Variants in CLASP1 observed in about 807,000 individuals in gnomAD.
The protein encoded by CLASP1 is cytoplasmic linker associated protein 1.
CLASP1 carries 38 observed loss-of-function variants against 192.3 expected under a neutral mutation model. That is an observed-to-expected ratio of 0.20 (90% CI 0.15 to 0.26). CLASP1 has a LOEUF of 0.26. Ranked by LOEUF, CLASP1 falls within the 10% of genes least tolerant of loss-of-function variation. The pLI is 1.00. For missense variants in CLASP1, 1,433 were observed against 1,932.5 expected (o/e 0.74, Z 4.85); for synonymous variants, 691 against 712.8 (o/e 0.97, Z 0.49).
rs1575632141 is a variant in CLASP1, at chr2:121,522,080, AC to A, written c.546+3764del. 2.0e-5 allele frequency among the ~76,000 whole-genome samples: 3 copies of A among 152,340 alleles called. No homozygotes were observed. In the East Asian group the frequency reaches 5.8e-4, roughly 29 times the overall value. Reference sequence around the variant, plus strand: ...TAGTATCGGGGAGGTAGGTGGCAGAACTTCCTGGCAGAAGGGAGACATGGAT... The same window carrying A: ...TAGTATCGGGGAGGTAGGTGGCAGAATTCCTGGCAGAAGGGAGACATGGAT... On this transcript the variant is annotated intron_variant, in intron 6 of 39. Coordinates refer to ENST00000263710, the Ensembl canonical transcript of CLASP1.
chr2:121,359,781 A>C (rs2066021577), intron 37 of CLASP1, among the ~76,000 whole-genome samples: 1 of 152,254 alleles, frequency 6.6e-6, no homozygotes, highest in Non-Finnish European at 1.5e-5. Context: ...CCAAATTTTA[A>C]AATAAAAACT....
chr2:121,365,062 A>G lies in CLASP1; in HGVS notation c.4077+32T>C, dbSNP rs760443496. 1.9e-6 allele frequency: 3 copies of G among 1,602,332 alleles called. No individual in the cohort carries two copies. In the South Asian group the frequency reaches 3.3e-5, roughly 18 times the overall value. Reference sequence around the variant, plus strand: ...GACATCGTGACCCCATTACATGGAAAGGGGCAAGATAAGGCCAAACCAGCA... The same window carrying G: ...GACATCGTGACCCCATTACATGGAAGGGGGCAAGATAAGGCCAAACCAGCA... On this transcript the variant is annotated intron_variant, in intron 36 of 39. Coordinates refer to ENST00000263710, the Ensembl canonical transcript of CLASP1.
At chr2:121,449,983 C>T (rs2085113156) in intron 16 of CLASP1, among the ~76,000 whole-genome samples, 1 of 151,976 alleles carries the variant, frequency 6.6e-6, no homozygotes, top group Admixed American at 6.6e-5. Context: ...AATGCACTGC[C>T]CAAGAGAGAA....
intron 32 of CLASP1, 114 bp from the exon 34 acceptor site, chr2:121,382,438 C>A: frequency 1.5e-6 from 1 of 669,720 alleles, no homozygotes; most frequent in South Asian, 2.2e-5. Context: ...TGACAAAGTT[C>A]TATTAAAGTT....
chr2:121,533,655 A>C (rs950093469), intron 2 of CLASP1, among the ~76,000 whole-genome samples: 1 of 152,220 alleles, frequency 6.6e-6, no homozygotes, highest in Admixed American at 6.5e-5. Context: ...AAAGTCAATC[A>C]AAATCTTTAA....
At chr2:121,376,536 GT>G (rs1289426970) in intron 34 of CLASP1, among the ~76,000 whole-genome samples, 199 of 113,958 alleles carry the variant, frequency 1.7e-3, no homozygotes, top group Middle Eastern at 4.5e-3. Flanking sequence ...TGGGGGGGGG[GT>G]CGGGGAGGAA....
chr2:121,370,973 T>A (rs570766744), intron 34 of CLASP1, among the ~76,000 whole-genome samples: 115 of 152,222 alleles, frequency 7.6e-4, no homozygotes, highest in Non-Finnish European at 1.5e-3. Context: ...AAGCCACAAC[T>A]CACACAGGAA....
At chr2:121,431,115 C>G (rs959420075) in intron 19 of CLASP1, among the ~76,000 whole-genome samples, 7 of 152,016 alleles carry the variant, frequency 4.6e-5, no homozygotes, top group Non-Finnish European at 1.0e-4. Flanking sequence ...ACTTCTACCC[C>G]CACAAGCGAC....
At chr2:121,447,393 C>A in exon 19 of CLASP1, 1 of 1,581,474 alleles carries the variant, frequency 6.3e-7, no homozygotes, top group Non-Finnish European at 8.6e-7. Context: ...AGGCGTCGTG[C>A]CCGAAGATGA....
At chr2:121,410,082 T>C (rs1251049857) in intron 24 of CLASP1, among the ~76,000 whole-genome samples, 1 of 152,184 alleles carries the variant, frequency 6.6e-6, no homozygotes, top group Non-Finnish European at 1.5e-5. Context: ...TATTACATAC[T>C]TTTTTCCCTT....
intron 1 of CLASP1, among the ~76,000 whole-genome samples, chr2:121,610,795 G>A (rs1237766216): frequency 7.4e-6 from 1 of 134,892 alleles, no homozygotes; most frequent in Non-Finnish European, 1.6e-5. Context: ...AGAGTTACAG[G>A]AGGAAGAGGA....
At chr2:121,340,721 G>T in exon 40 of CLASP1, 1 of 638,074 alleles carries the variant, frequency 1.6e-6, no homozygotes, top group Middle Eastern at 4.2e-4. Context: ...AGAAAAGCTG[G>T]AAGGGACCAA....
chr2:121,383,772 A>G (rs1193541823), intron 32 of CLASP1, among the ~76,000 whole-genome samples: 1 of 151,874 alleles, frequency 6.6e-6, no homozygotes, highest in Non-Finnish European at 1.5e-5. Context: ...CCGTAAAATC[A>G]TATTGGGTAA....
chr2:121,495,772 C>A (rs2093507720), intron 8 of CLASP1, among the ~76,000 whole-genome samples: 1 of 152,166 alleles, frequency 6.6e-6, no homozygotes, highest in Admixed American at 6.5e-5. Context: ...CTCAAATATT[C>A]TTTTTATTGA....
chr2:121,370,761 C>A (rs2068481472), intron 34 of CLASP1, among the ~76,000 whole-genome samples: 1 of 152,226 alleles, frequency 6.6e-6, no homozygotes, highest in African/African-American at 2.4e-5. Flanking sequence ...TGCCACTGCA[C>A]TCCCCCCACT....
chr2:121,586,445 A>G (rs2061724518), intron 2 of CLASP1, among the ~76,000 whole-genome samples: 1 of 152,198 alleles, frequency 6.6e-6, no homozygotes, highest in African/African-American at 2.4e-5. Flanking sequence ...TTAAAAAGAA[A>G]GAAAAATTTT....
At chr2:121,458,663 GC>G in intron 13 of CLASP1, among the ~76,000 whole-genome samples, 176 bp downstream of exon 13, 1 of 152,208 alleles carries the variant, frequency 6.6e-6, no homozygotes, top group African/African-American at 2.4e-5. Flanking sequence ...ATTATAAAAA[GC>G]TCACATGCCA....
rs1485498365 is a variant in CLASP1 at position 121,447,333 on chromosome 2, T to A, written c.1912+4A>T. The A allele has an allele frequency of 6.3e-7, 1 of 1,588,770 alleles. No homozygotes were observed. The highest frequency in any genetic ancestry group is 1.8e-5 in the Admixed American group (1 of 56,188). On this transcript the variant is annotated splice_donor_region_variant and intron_variant, in intron 19 of 39. Coordinates refer to ENST00000263710, the Ensembl canonical transcript of CLASP1. ...GAGGGAAAGGGTGACAGGGGTGTGG[T>A]TACCTAAGGATGCGTATGACCCTGG... is the stretch of plus-strand genomic sequence containing the variant.
intron 1 of CLASP1, among the ~76,000 whole-genome samples, chr2:121,625,972 A>G (rs959136504): frequency 2.6e-5 from 4 of 151,774 alleles, no homozygotes; most frequent in African/African-American, 9.7e-5. Flanking sequence ...GGTGGCACGC[A>G]CCTGTAATCC....
Sources: allele counts gnomAD v4.1 joint callset (sites outside exome capture counted in the v4.1 genomes callset), GRCh38; gene constraint gnomAD v4.1.1; transcripts MANE v1.5; gene names NCBI Gene and HGNC (gene_info 2026-07-23, HGNC 2026-07-21).